Variants in NELL2 observed in about 807,000 individuals in gnomAD.
The protein encoded by NELL2 is protein kinase C-binding protein NELL2.
Under a neutral mutation model 109.6 loss-of-function variants are expected in NELL2, and 41 were observed. That is an observed-to-expected ratio of 0.37 (90% CI 0.29 to 0.49). The LOEUF is 0.49. Among genes scored for constraint, NELL2 ranks in the 20% least tolerant of loss-of-function variants. The pLI is 0.98. For missense variants in NELL2, 900 were observed against 1,008.3 expected (o/e 0.89, Z 1.45); for synonymous variants, 355 against 344.7 (o/e 1.03, Z -0.33).
intron 13 of NELL2, among the ~76,000 whole-genome samples, chr12:44,625,101 G>C (rs1011162856): frequency 3.4e-5 from 5 of 149,030 alleles, no homozygotes; most frequent in African/African-American, 1.2e-4. Flanking sequence ...TTGGGGATAG[G>C]AAAGTCCTCT....
chr12:44,814,554 T>C (rs555447878), intron 3 of NELL2, among the ~76,000 whole-genome samples: 2 of 152,198 alleles, frequency 1.3e-5, no homozygotes, highest in African/African-American at 2.4e-5. Flanking sequence ...CAGTGAACCC[T>C]TGAAGATGGG....
At chr12:44,553,081 G>T (rs1181406717) in intron 15 of NELL2, among the ~76,000 whole-genome samples, 1 of 128,950 alleles carries the variant, frequency 7.8e-6, no homozygotes, top group African/African-American at 3.0e-5. Flanking sequence ...AGATCACATG[G>T]ACACAGGAAG....
intron 7 of NELL2, 120 bp from the exon 8 acceptor site, chr12:44,776,270 A>T: frequency 1.2e-6 from 1 of 861,784 alleles, no homozygotes; most frequent in Non-Finnish European, 1.7e-6. Flanking sequence ...GTGCTTATCA[A>T]CCACTTGCCA....
At chr12:44,616,241 A>G (rs1160378056) in intron 13 of NELL2, among the ~76,000 whole-genome samples, 1 of 152,134 alleles carries the variant, frequency 6.6e-6, no homozygotes, top group Non-Finnish European at 1.5e-5. Flanking sequence ...TCTCTAATGT[A>G]TTTCTCCTGC....
intron 9 of NELL2, among the ~76,000 whole-genome samples, chr12:44,720,972 T>A (rs1938738439): frequency 6.6e-6 from 1 of 152,048 alleles, no homozygotes; most frequent in Admixed American, 6.6e-5. Context: ...AATTTAGCAG[T>A]AGTGAGGGGT....
intron 10 of NELL2, among the ~76,000 whole-genome samples, chr12:44,712,461 T>C (rs1454524860): frequency 1.3e-5 from 2 of 152,102 alleles, no homozygotes; most frequent in South Asian, 2.1e-4. Context: ...AGTGTTTTTC[T>C]GTGTTACTAT....
intron 14 of NELL2, among the ~76,000 whole-genome samples, chr12:44,610,623 A>G (rs1945584001): frequency 6.6e-6 from 1 of 152,040 alleles, no homozygotes; most frequent in South Asian, 2.1e-4. Flanking sequence ...GCTAAGGTCA[A>G]GGAACATTAG....
At chr12:44,756,704 C>T (rs185419170) in intron 9 of NELL2, among the ~76,000 whole-genome samples, 2 of 152,138 alleles carry the variant, frequency 1.3e-5, no homozygotes, top group African/African-American at 4.8e-5. Context: ...TTCCTTGGTA[C>T]AATAATACTT....
rs189379465 is a variant in NELL2, at chr12:44,538,909, C to A, written c.1664-6188G>T. On this transcript the variant is annotated intron_variant, in intron 15 of 19. Transcript: ENST00000429094. Reference sequence around the variant, plus strand: ...CTAGAGTCTTAGTATTTTATTATTTCTTTCTTCTTCACAGAGTCTCTGCAT... The same window carrying A: ...CTAGAGTCTTAGTATTTTATTATTTATTTCTTCTTCACAGAGTCTCTGCAT... 1.0e-3 allele frequency among the ~76,000 whole-genome samples: 157 copies of A among 152,174 alleles called. 1 individual carries two copies. The highest frequency in any genetic ancestry group is 3.5e-3 in the African/African-American group (145 of 41,512).
chr12:44,916,461 G>T (rs1339011323), upstream of NELL2, among the ~76,000 whole-genome samples: 1 of 152,146 alleles, frequency 6.6e-6, no homozygotes, highest in Non-Finnish European at 1.5e-5. Context: ...TATAACTGGG[G>T]TGACAATAAG....
intron 15 of NELL2, among the ~76,000 whole-genome samples, chr12:44,595,996 T>C (rs1375178014): frequency 6.6e-6 from 1 of 152,220 alleles, no homozygotes; most frequent in African/African-American, 2.4e-5. Flanking sequence ...TTCATTCTTC[T>C]TAAGAGCAAT....
intron 13 of NELL2, among the ~76,000 whole-genome samples, chr12:44,658,807 C>G (rs59379685): frequency 0.17 from 23,763 of 143,666 alleles, 1,980 homozygotes; most frequent in East Asian, 0.24. Context: ...ACCCTGGGGG[C>G]TGGAGCCTGC....
chr12:44,532,288 G>A (rs542771290), intron 16 of NELL2, among the ~76,000 whole-genome samples: 13 of 151,946 alleles, frequency 8.6e-5, no homozygotes, highest in South Asian at 2.1e-4. Flanking sequence ...GCATGCTTTC[G>A]TTTTAAAAAA....
chr12:44,565,963 C>T (rs1440079759), intron 15 of NELL2, among the ~76,000 whole-genome samples: 2 of 152,138 alleles, frequency 1.3e-5, no homozygotes, highest in East Asian at 3.9e-4. Context: ...TGATTGGTCT[C>T]CTCTGAATTT....
Position 44,777,233 on chromosome 12 carries a change from T to C in NELL2, c.679+9A>G, listed in dbSNP as rs773361657. 10 of 1,613,078 alleles carry C rather than the reference T, an allele frequency of 6.2e-6. No homozygotes were observed. The highest frequency in any genetic ancestry group is 8.5e-6 in the Non-Finnish European group (10 of 1,179,072). The stretch of plus-strand genomic sequence containing the variant: ...GGGGACTCCACAGTGCAAGAACTAA[T>C]AGACTTACTGCGATTAAGATCTGGG... On this transcript the variant is annotated intron_variant, in intron 6 of 19. Transcript: ENST00000429094.
At chr12:44,692,247 CT>C (rs1485716979) in intron 12 of NELL2, among the ~76,000 whole-genome samples, 6 of 152,152 alleles carry the variant, frequency 3.9e-5, no homozygotes, top group African/African-American at 1.4e-4. Flanking sequence ...TAAAACTATT[CT>C]GCCTATGCTC....
intron 9 of NELL2, among the ~76,000 whole-genome samples, chr12:44,731,772 A>C (rs939969074): frequency 6.6e-6 from 1 of 152,060 alleles, no homozygotes; most frequent in African/African-American, 2.4e-5. Context: ...AATAAATAAA[A>C]GGCATCCAAA....
At chr12:44,680,788 C>A (rs995036585) in intron 12 of NELL2, among the ~76,000 whole-genome samples, 1 of 152,182 alleles carries the variant, frequency 6.6e-6, no homozygotes, top group Non-Finnish European at 1.5e-5. Flanking sequence ...TTAACTTGTA[C>A]TTACCTGCTT....
chr12:44,566,541 A>T (rs1592130620), intron 15 of NELL2, among the ~76,000 whole-genome samples: 3 of 140,274 alleles, frequency 2.1e-5, no homozygotes, highest in Admixed American at 2.1e-4. Flanking sequence ...ACTCACACAC[A>T]CACACACACA....
Sources: allele counts gnomAD v4.1 joint callset (sites outside exome capture counted in the v4.1 genomes callset), GRCh38; gene constraint gnomAD v4.1.1; transcripts MANE v1.5; gene names NCBI Gene and HGNC (gene_info 2026-07-23, HGNC 2026-07-21).